The following VWA8 variants were observed in gnomAD, a reference collection of about 807,000 sequenced individuals.
VWA8 encodes von Willebrand factor A domain containing 8.
A neutral mutation model predicts 241.5 loss-of-function variants in VWA8; 221 were observed. The ratio of observed to expected loss-of-function variants is 0.91; its 90% confidence interval spans 0.82 to 1.02. VWA8 has a LOEUF of 1.02. Among genes scored for constraint, VWA8 ranks in the 50% least tolerant of loss-of-function variants. The pLI is 0.00. For missense variants in VWA8, 2,322 were observed against 2,328.7 expected, an observed-to-expected ratio of 1.00 and a Z score of 0.06; for synonymous variants, 852 against 827.1, an observed-to-expected ratio of 1.03 and a Z score of -0.52.
At chr13:41,709,745 G>A (rs1440914600) in intron 26 of VWA8, among the ~76,000 whole-genome samples, 1 of 151,084 alleles carries the variant, frequency 6.6e-6, no homozygotes, top group Non-Finnish European at 1.5e-5. Context: ...CTTCACATGA[G>A]TCACTCTGTC....
rs537509990 is a variant in VWA8, at chr13:41,627,747, T to C, written c.4612-12663A>G. 1.2e-3 allele frequency among the ~76,000 whole-genome samples: 176 copies of C among 152,166 alleles called. 1 individual carries two copies. Among genetic ancestry groups the C allele is most frequent in the African/African-American group, 4.1e-3 (171 of 41,524 alleles). On this transcript the variant is annotated intron_variant, in intron 37 of 44. Transcript: ENST00000379310. ...CAGGTGAAGACACCACCACTGGCCA[T>C]CAAGAAACTACCCTGCCTCCACTAG...
At chr13:41,872,989 G>A (rs928015922) in intron 9 of VWA8, among the ~76,000 whole-genome samples, 20 of 152,138 alleles carry the variant, frequency 1.3e-4, no homozygotes, top group Non-Finnish European at 2.6e-4. Context: ...TCATTGAGCA[G>A]TGGTTTGTTG....
intron 37 of VWA8, among the ~76,000 whole-genome samples, chr13:41,670,143 G>T (rs1445141219): frequency 3.3e-5 from 5 of 151,914 alleles, no homozygotes; most frequent in African/African-American, 1.2e-4. Flanking sequence ...TCGGCTCTTT[G>T]CAGAACAACC....
Position 41,606,709 on chromosome 13 carries a change from T to C in VWA8, c.4878-1433A>G, listed in dbSNP as rs547975094. The stretch of plus-strand genomic sequence containing the variant: ...CTGTCAGGTTGAGCACTGGGAAAAA[T>C]CCATTCACCATGGGGGAGAGCGCCA... On this transcript the variant is annotated intron_variant, in intron 39 of 44. Coordinates refer to ENST00000379310, the MANE Select transcript of VWA8 (RefSeq NM_015058.2). 2.0e-5 allele frequency among the ~76,000 whole-genome samples: 3 copies of C among 152,254 alleles called. No individual in the cohort carries two copies. In the South Asian group the frequency reaches 6.2e-4, roughly 32 times the overall value.
intron 20 of VWA8, among the ~76,000 whole-genome samples, chr13:41,766,339 T>G (rs1490729103): frequency 6.6e-6 from 1 of 151,472 alleles, no homozygotes; most frequent in Non-Finnish European, 1.5e-5. Flanking sequence ...AAGAAAGAAA[T>G]AGAGTAGGAG....
chr13:41,830,865 A>G (rs919908715), intron 13 of VWA8, among the ~76,000 whole-genome samples: 2 of 152,088 alleles, frequency 1.3e-5, no homozygotes, highest in African/African-American at 4.8e-5. Flanking sequence ...TTTGATAGGG[A>G]TATGAAAGAG....
intron 14 of VWA8, among the ~76,000 whole-genome samples, chr13:41,830,230 G>A (rs1283720073): frequency 2.5e-4 from 36 of 142,952 alleles, no homozygotes; most frequent in African/African-American, 9.4e-4. Flanking sequence ...GTGACAGAGC[G>A]AGACTCTGTC....
intron 39 of VWA8, among the ~76,000 whole-genome samples, chr13:41,605,489 A>G (rs1322899145): frequency 6.6e-6 from 1 of 152,142 alleles, no homozygotes; most frequent in Non-Finnish European, 1.5e-5. Flanking sequence ...ACAAACTAGG[A>G]CAAGAAAAAA....
chr13:41,902,245 T>A lies in VWA8; in HGVS notation c.483+5341A>T, dbSNP rs538557895. On this transcript the variant is annotated intron_variant, in intron 4 of 44. Transcript: ENST00000379310. ...TCATATCTTTGAGTAACATCTAATG[T>A]CAAAAGGAGATGCTCCTGATAAAAT... Among the ~76,000 whole-genome samples the A allele has an allele frequency of 6.6e-5, 10 of 152,266 alleles. No individual in the cohort carries two copies. The South Asian group carries it at 1.9e-3, about 28-fold the overall frequency.
chr13:41,811,328 C>T lies in VWA8; in HGVS notation c.1960G>A (p.Ala654Thr). ...AGTTGTCTGGTAGAAAGTGATGCCGCTAATGATTGTGCCTATCAAAAGACA... is the reference window on the plus strand; with the variant it reads ...AGTTGTCTGGTAGAAAGTGATGCCGTTAATGATTGTGCCTATCAAAAGACA... ...ETQDPTAQSL[A>T]ASLSTRQLLR... Residue 654 changes from alanine (A) to threonine (T), a missense_variant, in exon 17 of 45, where the codon GCG (alanine) becomes ACG (threonine). Transcript: ENST00000379310. The T allele has an allele frequency of 6.2e-7, 1 of 1,609,000 alleles. No individual in the cohort carries two copies. The highest frequency in any genetic ancestry group is 1.1e-5 in the South Asian group (1 of 90,528).
intron 3 of VWA8, among the ~76,000 whole-genome samples, chr13:41,908,335 G>A (rs148922593): frequency 0.018 from 2,741 of 152,092 alleles, 66 homozygotes; most frequent in African/African-American, 0.047. Context: ...GTATGGTGGC[G>A]CATGCCTGTA....
intron 2 of VWA8, among the ~76,000 whole-genome samples, chr13:41,941,341 A>C (rs1468207966): frequency 6.6e-6 from 1 of 152,200 alleles, no homozygotes; most frequent in Non-Finnish European, 1.5e-5. Context: ...GGCACCTTAG[A>C]AGCTAAAAGA....
At chr13:41,725,741 G>T (rs2045427816) in intron 24 of VWA8, among the ~76,000 whole-genome samples, 1 of 152,142 alleles carries the variant, frequency 6.6e-6, no homozygotes, top group African/African-American at 2.4e-5. Context: ...ATGTGATAAG[G>T]AGTGGCTTGG....
intron 21 of VWA8, among the ~76,000 whole-genome samples, chr13:41,752,749 C>T (rs2045665550): frequency 1.3e-5 from 2 of 152,174 alleles, no homozygotes; most frequent in Admixed American, 1.3e-4. Context: ...AGGTGCCAGA[C>T]ACTGTGGTTG....
intron 3 of VWA8, among the ~76,000 whole-genome samples, chr13:41,910,142 A>G (rs558730740): frequency 6.6e-6 from 1 of 152,306 alleles, no homozygotes; most frequent in East Asian, 1.9e-4. Flanking sequence ...CACACTTACA[A>G]ATCTATGTTG....
At chr13:41,912,310 T>C (rs984548988) in intron 2 of VWA8, 142 bp from the exon 3 acceptor site, 4 of 582,440 alleles carry the variant, frequency 6.9e-6, no homozygotes, top group South Asian at 7.5e-5. Flanking sequence ...CATATGTATA[T>C]AAATATATAT....
chr13:41,908,490 A>C (rs1875832616), intron 3 of VWA8, among the ~76,000 whole-genome samples: 1 of 152,066 alleles, frequency 6.6e-6, no homozygotes, highest in South Asian at 2.1e-4. Context: ...AAAAACAAAC[A>C]AACCCAATAA....
intron 17 of VWA8, among the ~76,000 whole-genome samples, chr13:41,803,126 G>C (rs1381529687): frequency 6.6e-6 from 1 of 152,210 alleles, no homozygotes; most frequent in African/African-American, 2.4e-5. Flanking sequence ...CCCTAATGCA[G>C]GTATGGCTGC....
intron 40 of VWA8, among the ~76,000 whole-genome samples, chr13:41,601,437 T>C (rs1482332487): frequency 1.3e-5 from 2 of 152,156 alleles, no homozygotes; most frequent in Non-Finnish European, 2.9e-5. Context: ...AGGAACATAA[T>C]TGTTTGTTCA....
Sources: allele counts gnomAD v4.1 joint callset (sites outside exome capture counted in the v4.1 genomes callset), GRCh38; gene constraint gnomAD v4.1.1; transcripts MANE v1.5; gene names NCBI Gene and HGNC (gene_info 2026-07-23, HGNC 2026-07-21).